The following RAE1 variants were observed in gnomAD, a reference collection of about 807,000 sequenced individuals.
RAE1 encodes the protein mRNA export factor RAE1.
RAE1 carries 13 observed loss-of-function variants against 52.7 expected under a neutral mutation model. That is an observed-to-expected ratio of 0.25 (90% confidence interval 0.16 to 0.39). RAE1 has a LOEUF of 0.39. Ranked by LOEUF, RAE1 falls within the 10% of genes least tolerant of loss-of-function variation. RAE1 has a pLI of 1.00. For missense variants in RAE1, 262 were observed against 459.8 expected (o/e 0.57, Z 3.93); for synonymous variants, 164 against 153.1 (o/e 1.07, Z -0.52).
chr20:57,352,046 T>A, intron 1 of RAE1: 3 of 913,548 alleles, frequency 3.3e-6, no homozygotes, highest in Non-Finnish European at 3.9e-6. Flanking sequence ...GGAAGAGATT[T>A]TGAGTGTAAA....
chr20:57,361,661 T>C (rs935069563), intron 4 of RAE1, among the ~76,000 whole-genome samples: 1 of 152,170 alleles, frequency 6.6e-6, no homozygotes, highest in South Asian at 2.1e-4. Flanking sequence ...CTACAATGGA[T>C]TTGGCAGGAG....
At chr20:57,369,319 AGGT>A (rs2067001088) in intron 8 of RAE1, among the ~76,000 whole-genome samples, 1 of 152,318 alleles carries the variant, frequency 6.6e-6, no homozygotes, top group East Asian at 1.9e-4. Context: ...AGAGAAGAAG[AGGT>A]CTGTGTAGCA....
chr20:57,376,032 T>A (rs528378364), intron 11 of RAE1, among the ~76,000 whole-genome samples: 1 of 152,364 alleles, frequency 6.6e-6, no homozygotes, highest in Non-Finnish European at 1.5e-5. Flanking sequence ...AGCCAGTGAC[T>A]GGAGACGTCC....
chr20:57,351,687 G>A, intron 1 of RAE1: 1 of 985,522 alleles, frequency 1.0e-6, no homozygotes, highest in Non-Finnish European at 1.2e-6. Flanking sequence ...TGTCGCCTCT[G>A]TCCCTCCCCC....
At chr20:57,374,543 C>T (rs1291843947) in intron 10 of RAE1, 64 bp from the exon 11 acceptor site, 3 of 1,428,008 alleles carry the variant, frequency 2.1e-6, no homozygotes, top group Admixed American at 2.0e-5. Flanking sequence ...AGGAAGTGTG[C>T]GTGGGTGGAA....
At position 57,379,172 on chromosome 20, in the gene RAE1, C is replaced by A. The variant is rs146002651; in HGVS notation, c.*1073C>A. The A allele has an allele frequency of 6.6e-6, 1 of 152,120 alleles. No individual in the cohort carries two copies. Among genetic ancestry groups the A allele is most frequent in the African/African-American group, 2.4e-5 (1 of 41,412 alleles). The allele number at this position is 152,120 out of a possible 1,614,324, so 9.4% of individuals were successfully genotyped here. A position where few individuals can be genotyped will look rare whatever the true frequency, so the allele number is the denominator to read the frequency against. ...GATGTGTTTGCCTACTCATAAAAAA[C>A]AATGAAAATAAAATTTTCTACTGGA... On this transcript the variant is annotated 3_prime_UTR_variant, in exon 12 of 12. Transcript: ENST00000395841.
chr20:57,356,818 G>A (rs75727717), intron 4 of RAE1, among the ~76,000 whole-genome samples: 6,013 of 152,272 alleles, frequency 0.039, 172 homozygotes, highest in African/African-American at 0.088. Context: ...GTGAAACACC[G>A]GTGCCAAGCT....
chr20:57,359,017 C>A, intron 4 of RAE1: 1 of 1,522,816 alleles, frequency 6.6e-7, no homozygotes, highest in Non-Finnish European at 8.8e-7. Flanking sequence ...AAGTAAGAGA[C>A]AGCTGAACCT....
At chr20:57,374,409 C>G (rs1423267629) in intron 10 of RAE1, among the ~76,000 whole-genome samples, 198 bp from the exon 11 acceptor site, 1 of 152,182 alleles carries the variant, frequency 6.6e-6, no homozygotes, top group African/African-American at 2.4e-5. Flanking sequence ...GTGCAGCCCT[C>G]ACAGGAGGCA....
chr20:57,365,492 G>C (rs776007270), intron 5 of RAE1, 50 bp downstream of exon 5: 2 of 1,270,288 alleles, frequency 1.6e-6, no homozygotes, highest in African/African-American at 3.0e-5. Flanking sequence ...ACCCAGGACT[G>C]TGATGGCTCT....
chr20:57,355,755 C>T (rs2146129635), intron 3 of RAE1, among the ~76,000 whole-genome samples: 1 of 152,268 alleles, frequency 6.6e-6, no homozygotes, highest in South Asian at 2.1e-4. Flanking sequence ...GCCTACAGCA[C>T]AGGGGCAGCA....
At chr20:57,364,463 TGAG>T (rs1236813934) in intron 4 of RAE1, among the ~76,000 whole-genome samples, 1 of 152,198 alleles carries the variant, frequency 6.6e-6, no homozygotes, top group Non-Finnish European at 1.5e-5. Context: ...ATTAAAAGCA[TGAG>T]GAGCAAGTTT....
At chr20:57,362,675 C>T (rs577281710) in intron 4 of RAE1, among the ~76,000 whole-genome samples, 2 of 152,090 alleles carry the variant, frequency 1.3e-5, no homozygotes, top group South Asian at 2.1e-4. Flanking sequence ...TACGTTCTGA[C>T]GGGGAGGCAG....
chr20:57,370,136 C>T (rs990430471), intron 8 of RAE1, among the ~76,000 whole-genome samples: 2 of 152,310 alleles, frequency 1.3e-5, no homozygotes, highest in Non-Finnish European at 2.9e-5. Flanking sequence ...CTATTCCTTC[C>T]GCAGTGGGGC....
chr20:57,376,324 G>A (rs1483058655), intron 11 of RAE1, among the ~76,000 whole-genome samples: 1 of 152,202 alleles, frequency 6.6e-6, no homozygotes, highest in Non-Finnish European at 1.5e-5. Flanking sequence ...TTCAACATCT[G>A]TAAATACCCA....
intron 8 of RAE1, among the ~76,000 whole-genome samples, chr20:57,369,624 C>T (rs1269451024): frequency 6.6e-6 from 1 of 152,216 alleles, no homozygotes; most frequent in African/African-American, 2.4e-5. Flanking sequence ...AATTACACAT[C>T]TGGATGGGTT....
At chr20:57,367,551 T>G (rs1204594723) in intron 7 of RAE1, among the ~76,000 whole-genome samples, 1 of 152,018 alleles carries the variant, frequency 6.6e-6, no homozygotes, top group East Asian at 1.9e-4. Context: ...GAGACCACCC[T>G]GGCCAACATG....
In RAE1 at chr20:57,367,205, T is replaced by G. The variant is rs184958915; in HGVS notation, c.534+126T>G. The G allele has an allele frequency of 4.8e-6, 4 of 841,520 alleles. No homozygotes were observed. In the East Asian group the frequency reaches 1.1e-4, roughly 23 times the overall value. The allele number at this position is 841,520 out of a possible 1,614,324, so 52.1% of individuals were successfully genotyped here. On this transcript the variant is annotated intron_variant, in intron 7 of 11. Transcript: ENST00000395841. ...ATCCTGCTAGCTTTAGTAATAGATA[T>G]AAAGGATCGAGTTGAGATTGCCTCA...
rs531699456 is a variant in RAE1, at chr20:57,379,182, A to G, written c.*1083A>G. ...CCTACTCATAAAAAACAATGAAAATAAAATTTTCTACTGGAAGAGACCACC... is the reference window on the plus strand; with the variant it reads ...CCTACTCATAAAAAACAATGAAAATGAAATTTTCTACTGGAAGAGACCACC... On this transcript the variant is annotated 3_prime_UTR_variant, in exon 12 of 12. Coordinates refer to ENST00000395841, the MANE Select transcript of RAE1 (RefSeq NM_003610.4). 3 of 152,346 alleles carry G rather than the reference A, an allele frequency of 2.0e-5. No individual in the cohort carries two copies. Among genetic ancestry groups the G allele is most frequent in the African/African-American group, 7.2e-5 (3 of 41,578 alleles). The allele number at this position is 152,346 out of a possible 1,614,324, so 9.4% of individuals were successfully genotyped here.
Sources: allele counts gnomAD v4.1 joint callset (sites outside exome capture counted in the v4.1 genomes callset), GRCh38; gene constraint gnomAD v4.1.1; transcripts MANE v1.5; gene names NCBI Gene and HGNC (gene_info 2026-07-23, HGNC 2026-07-21).